Variants in EXOC4 observed in about 807,000 individuals in gnomAD.
EXOC4 encodes the protein exocyst complex component 4.
Under a neutral mutation model 107.2 loss-of-function variants are expected in EXOC4, and 71 were observed. That is an observed-to-expected ratio of 0.66 (90% CI 0.55 to 0.81). The LOEUF (loss-of-function observed/expected upper bound fraction) is 0.81. Among genes scored for constraint, EXOC4 ranks in the 30% least tolerant of loss-of-function variants. EXOC4 has a pLI of 0.00. For missense variants in EXOC4, 1,108 were observed against 1,189.6 expected (o/e 0.93, Z 1.01); for synonymous variants, 456 against 441.2 (o/e 1.03, Z -0.42).
chr7:133,964,555 G>A (rs985465237), intron 14 of EXOC4, among the ~76,000 whole-genome samples: 14 of 152,044 alleles, frequency 9.2e-5, no homozygotes, highest in African/African-American at 1.4e-4. Context: ...TTCAACTCCC[G>A]CTTATGAGTG....
At chr7:133,915,824 A>G (rs750054616) in intron 12 of EXOC4, among the ~76,000 whole-genome samples, 2 of 152,196 alleles carry the variant, frequency 1.3e-5, no homozygotes, top group Non-Finnish European at 2.9e-5. Flanking sequence ...CTGTAATCCA[A>G]TTTTTGTGTC....
chr7:134,052,473 G>C (rs1795820112), intron 17 of EXOC4, among the ~76,000 whole-genome samples: 1 of 151,820 alleles, frequency 6.6e-6, no homozygotes, highest in South Asian at 2.1e-4. Flanking sequence ...AAGAGGGAAG[G>C]ACTGATTTTT....
At chr7:133,607,007 A>G (rs1378512825) in intron 9 of EXOC4, among the ~76,000 whole-genome samples, 1 of 152,102 alleles carries the variant, frequency 6.6e-6, no homozygotes, top group African/African-American at 2.4e-5. Context: ...TCCTTTTTCT[A>G]GCTGTAGATC....
chr7:133,384,258 G>A (rs1233961213), intron 7 of EXOC4, among the ~76,000 whole-genome samples: 1 of 152,148 alleles, frequency 6.6e-6, no homozygotes, highest in Non-Finnish European at 1.5e-5. Flanking sequence ...AGGTTGATCT[G>A]GTAGGAAGGC....
chr7:133,646,811 T>G (rs770626523), intron 10 of EXOC4, among the ~76,000 whole-genome samples: 15 of 152,168 alleles, frequency 9.9e-5, no homozygotes, highest in African/African-American at 1.4e-4. Flanking sequence ...GCATTTCTAA[T>G]GCAATCAGGA....
intron 11 of EXOC4, among the ~76,000 whole-genome samples, chr7:133,822,299 C>T (rs1445335509): frequency 3.3e-5 from 5 of 152,118 alleles, no homozygotes; most frequent in East Asian, 3.8e-4. Flanking sequence ...AGGAGACAGA[C>T]GGAACTGATT....
intron 12 of EXOC4, among the ~76,000 whole-genome samples, chr7:133,907,321 T>G (rs1036772149): frequency 1.3e-5 from 2 of 152,220 alleles, no homozygotes; most frequent in African/African-American, 4.8e-5. Flanking sequence ...TGTATTGTAA[T>G]TTAGACTTTT....
chr7:133,778,532 C>G (rs971963089), intron 10 of EXOC4, among the ~76,000 whole-genome samples: 1 of 152,088 alleles, frequency 6.6e-6, no homozygotes, highest in African/African-American at 2.4e-5. Flanking sequence ...TGCAGTGAGC[C>G]GTGATCACAC....
Position 133,895,710 on chromosome 7 carries a change from A to C in EXOC4, c.1846A>C (p.Lys616Gln). The C allele has an allele frequency of 6.2e-7, 1 of 1,614,150 alleles. No homozygotes were observed. The highest frequency in any genetic ancestry group is 8.5e-7 in the Non-Finnish European group (1 of 1,179,988). Residue 616 changes from lysine (K) to glutamine (Q), a missense_variant, in exon 12 of 18, where the codon AAG (lysine) becomes CAG (glutamine). Coordinates refer to ENST00000253861, the MANE Select transcript of EXOC4 (RefSeq NM_021807.4). ...NMVCVKLQEY[K>Q]DTCTAAYRGI... ...GGTGTGCGTGAAGCTCCAGGAGTAC[A>C]AGGACACCTGCACTGCAGCTTACAG... is the stretch of plus-strand genomic sequence containing the variant.
chr7:133,687,196 G>T (rs765038461), intron 10 of EXOC4, among the ~76,000 whole-genome samples: 4 of 152,052 alleles, frequency 2.6e-5, no homozygotes, highest in Non-Finnish European at 4.4e-5. Context: ...AAAAATGGGA[G>T]CTAAGCTATG....
At chr7:133,515,132 T>C (rs1429866235) in intron 9 of EXOC4, among the ~76,000 whole-genome samples, 1 of 152,164 alleles carries the variant, frequency 6.6e-6, no homozygotes, top group East Asian at 1.9e-4. Context: ...ATGTGGAATA[T>C]GGATTTACTT....
intron 9 of EXOC4, 55 bp from the exon 10 acceptor site, chr7:133,629,990 T>C: frequency 7.5e-7 from 1 of 1,331,392 alleles, no homozygotes; most frequent in Non-Finnish European, 1.1e-6. Context: ...GCTTGGTTTG[T>C]TTATTTATAA....
intron 9 of EXOC4, among the ~76,000 whole-genome samples, chr7:133,547,292 T>C (rs1049775578): frequency 6.6e-6 from 1 of 152,212 alleles, no homozygotes; most frequent in African/African-American, 2.4e-5. Context: ...AATTTATTGA[T>C]CAGCTTTATT....
intron 7 of EXOC4, among the ~76,000 whole-genome samples, chr7:133,459,141 G>A (rs1798531265): frequency 6.6e-6 from 1 of 152,168 alleles, no homozygotes; most frequent in African/African-American, 2.4e-5. Context: ...GAATTGTATG[G>A]TATTGCTTCT....
chr7:133,711,364 C>T (rs549715731), intron 10 of EXOC4, among the ~76,000 whole-genome samples: 58 of 152,248 alleles, frequency 3.8e-4, no homozygotes, highest in African/African-American at 1.2e-3. Context: ...TTTAGTGAAA[C>T]TCAAAATAGA....
At chr7:133,496,981 T>C (rs1400338670) in intron 9 of EXOC4, among the ~76,000 whole-genome samples, 1 of 152,210 alleles carries the variant, frequency 6.6e-6, no homozygotes, top group African/African-American at 2.4e-5. Flanking sequence ...GAAGGTGCTC[T>C]TCTGTTAGCC....
chr7:133,755,026 A>G (rs962760112), intron 10 of EXOC4, among the ~76,000 whole-genome samples: 14 of 151,406 alleles, frequency 9.2e-5, no homozygotes, highest in African/African-American at 3.4e-4. Flanking sequence ...ATTTTTTCCA[A>G]CATACCTTTC....
chr7:133,574,531 C>T (rs1801087680), intron 9 of EXOC4, among the ~76,000 whole-genome samples: 1 of 152,160 alleles, frequency 6.6e-6, no homozygotes, highest in African/African-American at 2.4e-5. Flanking sequence ...AAGGATAATT[C>T]AGGTCAGCGT....
rs1797614288 is a variant in EXOC4, at chr7:133,823,874, A to ATATATATATATATAT, written c.1734+6331_1734+6345dup. On this transcript the variant is annotated intron_variant, in intron 11 of 17. Coordinates refer to ENST00000253861, the MANE Select transcript of EXOC4 (RefSeq NM_021807.4). ...ATATATATATATATATATATATATT[A>ATATATATATATATAT]TATATATATATATATATATTTTATA... 6.6e-4 allele frequency among the ~76,000 whole-genome samples: 6 copies of ATATATATATATATAT among 9,080 alleles called. No individual in the cohort carries two copies. In the East Asian group the frequency reaches 7.4e-3, roughly 11 times the overall value. The allele number at this position is 9,080 out of a possible 152,430, so 6.0% of individuals were successfully genotyped here.
Sources: gnomAD v4.1 joint callset for allele counts (sites outside exome capture counted in the v4.1 genomes callset) on GRCh38, gnomAD v4.1.1 for gene constraint, MANE v1.5 for transcripts, NCBI Gene and HGNC (gene_info 2026-07-23, HGNC 2026-07-21) for gene names.